Variants in HBS1L observed in about 807,000 individuals in gnomAD.
The protein encoded by HBS1L is HBS1-like protein.
HBS1L carries 55 observed loss-of-function variants against 88.9 expected under a neutral mutation model. The observed-to-expected ratio is 0.62, with a 90% CI of 0.50 to 0.77. The LOEUF (loss-of-function observed/expected upper bound fraction) is 0.77. HBS1L is among the 30% of genes least tolerant of loss of function. HBS1L has a pLI of 0.00. For synonymous variants in HBS1L, 267 were observed against 288.5 expected (o/e 0.93, Z 0.76); for missense variants, 741 against 829.3 (o/e 0.89, Z 1.31).
intron 15 of HBS1L, among the ~76,000 whole-genome samples, chr6:134,977,612 A>G (rs190817237): frequency 5.3e-5 from 8 of 152,184 alleles, no homozygotes; most frequent in Admixed American, 2.0e-4. Context: ...AATAATTACA[A>G]AGAATTATAA....
At chr6:135,000,886 C>T (rs1323317488) in intron 5 of HBS1L, among the ~76,000 whole-genome samples, 1 of 152,148 alleles carries the variant, frequency 6.6e-6, no homozygotes, top group Non-Finnish European at 1.5e-5. Flanking sequence ...AAAAGTGTTT[C>T]ACTGTGTTTC....
At chr6:135,031,329 G>A (rs1239285693) in intron 4 of HBS1L, among the ~76,000 whole-genome samples, 2 of 152,066 alleles carry the variant, frequency 1.3e-5, no homozygotes, top group Non-Finnish European at 2.9e-5. Flanking sequence ...TGTATTTCTT[G>A]TAGGAGCAAT....
At chr6:135,024,223 G>A (rs1052551601) in intron 4 of HBS1L, among the ~76,000 whole-genome samples, 33 of 151,998 alleles carry the variant, frequency 2.2e-4, no homozygotes, top group South Asian at 6.2e-4. Context: ...GGCGGATCAC[G>A]AGGTCAGGAG....
At chr6:135,024,439 C>CAAAAAAAAAAAAAAA (rs60663059) in intron 4 of HBS1L, among the ~76,000 whole-genome samples, 1 of 66,498 alleles carries the variant, frequency 1.5e-5, no homozygotes, top group African/African-American at 4.8e-5. Context: ...GACTTCGTCT[C>CAAAAAAAAAAAAAAA]AAAAAAAAAA....
chr6:134,984,952 T>C (rs1774936896), intron 12 of HBS1L, among the ~76,000 whole-genome samples: 1 of 151,836 alleles, frequency 6.6e-6, no homozygotes, highest in East Asian at 1.9e-4. Context: ...GAAAGAACAA[T>C]ACAACAGGGA....
At chr6:135,022,304 T>C (rs1264297260) in intron 4 of HBS1L, among the ~76,000 whole-genome samples, 1 of 148,732 alleles carries the variant, frequency 6.7e-6, no homozygotes, top group Non-Finnish European at 1.5e-5. Flanking sequence ...TACATGTGAT[T>C]AGAATTTGTA....
chr6:135,049,059 C>T (rs540004941), intron 2 of HBS1L, among the ~76,000 whole-genome samples: 4 of 152,120 alleles, frequency 2.6e-5, no homozygotes, highest in Non-Finnish European at 5.9e-5. Flanking sequence ...GACAGCCCAG[C>T]GGACTAGAGG....
At chr6:135,040,341 A>ATTTT (rs1562314215) in intron 3 of HBS1L, among the ~76,000 whole-genome samples, 2 of 103,868 alleles carry the variant, frequency 1.9e-5, no homozygotes, top group African/African-American at 7.6e-5. Context: ...GAGGATAGGC[A>ATTTT]TTCTTTTTTT....
At chr6:134,974,559 T>C (rs1023980323) in intron 15 of HBS1L, among the ~76,000 whole-genome samples, 1 of 151,994 alleles carries the variant, frequency 6.6e-6, no homozygotes, top group Non-Finnish European at 1.5e-5. Context: ...AGACATTTTA[T>C]CATGATCAAG....
intron 4 of HBS1L, among the ~76,000 whole-genome samples, chr6:135,023,503 T>C (rs1242760942): frequency 6.6e-6 from 1 of 152,110 alleles, no homozygotes; most frequent in Non-Finnish European, 1.5e-5. Flanking sequence ...ATATAAATAA[T>C]ATTAAATAGA....
intron 15 of HBS1L, among the ~76,000 whole-genome samples, chr6:134,970,736 T>C (rs968649822): frequency 2.0e-5 from 3 of 152,160 alleles, no homozygotes; most frequent in Non-Finnish European, 2.9e-5. Context: ...AGGAGGCCTA[T>C]AGAAATCATA....
At chr6:135,028,990 T>C (rs1422753154) in intron 4 of HBS1L, among the ~76,000 whole-genome samples, 1 of 151,690 alleles carries the variant, frequency 6.6e-6, no homozygotes, top group African/African-American at 2.4e-5. Context: ...TACCAAAAAA[T>C]AGGTACTAAA....
In HBS1L at chr6:135,054,736, AAC is replaced by A. The variant is rs762481311; in HGVS notation, c.-47_-46del. ...GCCACAGCCCCTTAACTCCTTCCAA[AAC>A]ACTCCGCTTAGATACTGATAAGGCG... On this transcript the variant is annotated 5_prime_UTR_variant, in exon 1 of 18. Transcript: ENST00000367837. 6.2e-7 allele frequency: 1 copy of A among 1,612,052 alleles called. No individual in the cohort carries two copies.
At chr6:134,972,202 T>C (rs1774510519) in intron 15 of HBS1L, among the ~76,000 whole-genome samples, 1 of 152,126 alleles carries the variant, frequency 6.6e-6, no homozygotes, top group Non-Finnish European at 1.5e-5. Context: ...AATTATCTAG[T>C]GTTCTATAAA....
At chr6:134,987,554 A>G in intron 9 of HBS1L, 91 bp downstream of exon 9, 1 of 883,066 alleles carries the variant, frequency 1.1e-6, no homozygotes, top group Non-Finnish European at 1.6e-6. Context: ...CGACTAATAA[A>G]ATGTACACTA....
At chr6:135,034,606 T>A (rs1403852991) in intron 4 of HBS1L, among the ~76,000 whole-genome samples, 1 of 152,220 alleles carries the variant, frequency 6.6e-6, no homozygotes, top group Non-Finnish European at 1.5e-5. Context: ...ATCATGCCAC[T>A]GCACTCCAGC....
At chr6:134,983,322 G>C (rs1195110213) in intron 12 of HBS1L, 2 of 152,158 alleles carry the variant, frequency 1.3e-5, no homozygotes, top group Non-Finnish European at 2.9e-5. Flanking sequence ...TGTGACCGGA[G>C]AAGTAAGGTG....
At chr6:134,993,482 T>C (rs1274866253) in intron 8 of HBS1L, among the ~76,000 whole-genome samples, 2 of 152,164 alleles carry the variant, frequency 1.3e-5, no homozygotes, top group Admixed American at 6.5e-5. Context: ...TATGAAGCTA[T>C]ACTCATCAAG....
rs1776308772 is a variant in HBS1L at position 135,028,815 on chromosome 6, T to G, written c.430+10758A>C. Among the ~76,000 whole-genome samples, 3 of 152,142 alleles carry G rather than the reference T, an allele frequency of 2.0e-5. 1 individual carries two copies. The highest frequency in any genetic ancestry group is 7.2e-5 in the African/African-American group (3 of 41,446). On this transcript the variant is annotated intron_variant, in intron 4 of 17. Coordinates refer to ENST00000367837, the MANE Select transcript of HBS1L (RefSeq NM_006620.4). ...ATCTCTGGAGACAGTATTTTTTTCCTTCAAAAATCTCTTGCTAGCAGTAAA... is the reference window on the plus strand; with the variant it reads ...ATCTCTGGAGACAGTATTTTTTTCCGTCAAAAATCTCTTGCTAGCAGTAAA...
Sources: gnomAD v4.1 joint callset for allele counts (sites outside exome capture counted in the v4.1 genomes callset) on GRCh38, gnomAD v4.1.1 for gene constraint, MANE v1.5 for transcripts, NCBI Gene and HGNC (gene_info 2026-07-23, HGNC 2026-07-21) for gene names.